Variants in ASIC2 observed in about 807,000 individuals in gnomAD.
ASIC2 encodes the protein acid sensing ion channel subunit 2.
A neutral mutation model predicts 57.3 loss-of-function variants in ASIC2; 25 were observed. The ratio of observed to expected loss-of-function variants is 0.44; its 90% confidence interval spans 0.32 to 0.61. The LOEUF (loss-of-function observed/expected upper bound fraction) is 0.61, where lower values mean the gene tolerates loss of function less well. ASIC2 is among the 20% of genes least tolerant of loss of function. The probability of loss-of-function intolerance (pLI) is 0.06; values close to 1 mark genes in which losing one functional copy is unlikely to be tolerated. For missense variants in ASIC2, 641 were observed against 738.1 expected, an observed-to-expected ratio of 0.87 and a Z score of 1.52; for synonymous variants, 319 against 307.5, an observed-to-expected ratio of 1.04 and a Z score of -0.39.
At chr17:33,015,579 A>G (rs1197555039) in intron 9 of ASIC2, among the ~76,000 whole-genome samples, 2 of 152,176 alleles carry the variant, frequency 1.3e-5, no homozygotes, top group African/African-American at 4.8e-5. Flanking sequence ...TCCCTTTCGA[A>G]TGGGATGGAG....
At chr17:33,935,745 A>G (rs1014882528) in intron 1 of ASIC2, 1 of 152,236 alleles carries the variant, frequency 6.6e-6, no homozygotes, top group Non-Finnish European at 1.5e-5. Context: ...AGCCATGTCC[A>G]TCTGATCTCC....
chr17:33,031,547 G>T (rs537617747), intron 3 of ASIC2, among the ~76,000 whole-genome samples: 2 of 152,094 alleles, frequency 1.3e-5, no homozygotes, highest in Non-Finnish European at 2.9e-5. Flanking sequence ...AATGTTCCAC[G>T]TGCACCTGAA....
intron 1 of ASIC2, among the ~76,000 whole-genome samples, chr17:33,210,753 C>T (rs181761338): frequency 4.6e-5 from 7 of 152,320 alleles, no homozygotes; most frequent in South Asian, 2.1e-4. Flanking sequence ...GCACACCCAT[C>T]GTGTGCAGGA....
rs6505364 is a variant in ASIC2 at position 33,683,459 on chromosome 17, C to T, written c.555+472519G>A. Reference sequence around the variant, plus strand: ...CAAACATGGCTCACTGCAGCCTTGACCTCCCTGGCTCAAGTGATCCTCCCA... The same window carrying T: ...CAAACATGGCTCACTGCAGCCTTGATCTCCCTGGCTCAAGTGATCCTCCCA... On this transcript the variant is annotated intron_variant, in intron 1 of 9. Coordinates refer to the ASIC2 transcript ENST00000359872. Among the ~76,000 whole-genome samples the T allele has an allele frequency of 8.8e-3, 1,341 of 152,318 alleles. 18 individuals are homozygous for T. The highest frequency in any genetic ancestry group is 0.03 in the African/African-American group (1,260 of 41,574).
chr17:33,336,527 C>G (rs945070188), intron 1 of ASIC2, among the ~76,000 whole-genome samples: 2 of 152,156 alleles, frequency 1.3e-5, no homozygotes, highest in Admixed American at 6.5e-5. Flanking sequence ...ACATGAGCAC[C>G]TACTGTATGC....
rs12602969 is a variant in ASIC2 at position 33,607,861 on chromosome 17, A to C, written c.556-495794T>G. Among the ~76,000 whole-genome samples, 5 of 152,168 alleles carry C rather than the reference A, an allele frequency of 3.3e-5. No homozygotes were observed. In the East Asian group the frequency reaches 9.6e-4, roughly 29 times the overall value. ...CAATCAGGAGTGTCCCTGGGACTCA[A>C]ATGAAGACCCTAATAGGAACTTCTG... is the stretch of plus-strand genomic sequence containing the variant. On this transcript the variant is annotated intron_variant, in intron 1 of 9. Coordinates refer to the ASIC2 transcript ENST00000359872.
chr17:33,178,720 C>T (rs1487174717), intron 1 of ASIC2, among the ~76,000 whole-genome samples: 1 of 152,204 alleles, frequency 6.6e-6, no homozygotes, highest in African/African-American at 2.4e-5. Flanking sequence ...CCTAGAGGAT[C>T]AGTTTCCAAT....
intron 1 of ASIC2, among the ~76,000 whole-genome samples, chr17:33,700,029 T>C (rs1218975402): frequency 6.6e-6 from 1 of 152,186 alleles, no homozygotes. Context: ...AAGAAAGACC[T>C]AATATTTTGG....
At chr17:33,344,718 C>T (rs1472708670) in intron 1 of ASIC2, among the ~76,000 whole-genome samples, 1 of 152,102 alleles carries the variant, frequency 6.6e-6, no homozygotes, top group Non-Finnish European at 1.5e-5. Context: ...CTTAACCCTG[C>T]TCACACATTT....
At chr17:33,894,696 A>G (rs945241692) in intron 1 of ASIC2, among the ~76,000 whole-genome samples, 1 of 152,274 alleles carries the variant, frequency 6.6e-6, no homozygotes. Flanking sequence ...GGTGTTTTGC[A>G]AGTGAACGTG....
chr17:33,602,168 TGGGA>T (rs1905128938), intron 1 of ASIC2, among the ~76,000 whole-genome samples: 1 of 152,214 alleles, frequency 6.6e-6, no homozygotes, highest in Non-Finnish European at 1.5e-5. Flanking sequence ...TTAGGACCTT[TGGGA>T]CTATTGGGAT....
At chr17:33,446,657 A>G (rs1047050521) in intron 1 of ASIC2, among the ~76,000 whole-genome samples, 7 of 152,128 alleles carry the variant, frequency 4.6e-5, no homozygotes, top group Non-Finnish European at 1.0e-4. Context: ...CCATCCTGTT[A>G]TTGACTATAG....
At chr17:33,063,892 C>T (rs929474572) in intron 3 of ASIC2, among the ~76,000 whole-genome samples, 14 of 152,282 alleles carry the variant, frequency 9.2e-5, no homozygotes, top group Non-Finnish European at 1.5e-4. Context: ...CTTCTCTTCT[C>T]GCTTCATTTC....
chr17:33,292,258 G>A lies in ASIC2; in HGVS notation c.-143C>T. The stretch of plus-strand genomic sequence containing the variant: ...GAAGCGTGCGCCCGAAAGGAGCTCC[G>A]GTGGCGCGGCATGCCCGCCCGGCGC... On this transcript the variant is annotated 5_prime_UTR_variant, in exon 1 of 10. Coordinates refer to ENST00000225823, the MANE Select transcript of ASIC2 (RefSeq NM_183377.2). 1 of 993,448 alleles carries A rather than the reference G, an allele frequency of 1.0e-6. No individual in the cohort carries two copies. Among genetic ancestry groups the A allele is most frequent in the Non-Finnish European group, 1.2e-6 (1 of 836,822 alleles). 61.5% of individuals were successfully genotyped at this position (993,448 alleles called of 1,614,324 possible). A position where few individuals can be genotyped will look rare whatever the true frequency, so the allele number is the denominator to read the frequency against.
chr17:34,138,017 T>A (rs1912171298), intron 1 of ASIC2, among the ~76,000 whole-genome samples: 1 of 152,108 alleles, frequency 6.6e-6, no homozygotes, highest in Admixed American at 6.5e-5. Flanking sequence ...TCAAAGCCAG[T>A]GAGCTGTTGA....
At chr17:33,747,248 T>C (rs1408685924) in intron 1 of ASIC2, among the ~76,000 whole-genome samples, 1 of 141,080 alleles carries the variant, frequency 7.1e-6, no homozygotes, top group Admixed American at 7.5e-5. Context: ...TTTTTTGAGA[T>C]GGTCTAGCTC....
At chr17:33,730,551 A>G (rs1189760943) in intron 1 of ASIC2, among the ~76,000 whole-genome samples, 5 of 152,234 alleles carry the variant, frequency 3.3e-5, no homozygotes, top group African/African-American at 4.8e-5. Flanking sequence ...TAACATATTG[A>G]CTACTTGAAT....
intron 1 of ASIC2, among the ~76,000 whole-genome samples, chr17:34,095,741 TTA>T (rs572766808): frequency 2.7e-3 from 392 of 142,660 alleles, no homozygotes; most frequent in Non-Finnish European, 3.8e-3. Flanking sequence ...ATATATAATT[TTA>T]TATATATATA....
At chr17:33,152,410 C>T in intron 1 of ASIC2, among the ~76,000 whole-genome samples, 1 of 152,142 alleles carries the variant, frequency 6.6e-6, no homozygotes, top group Admixed American at 6.5e-5. Context: ...GATGAGGCAC[C>T]AGGAAAAGCT....
Sources: gnomAD v4.1 joint callset for allele counts (sites outside exome capture counted in the v4.1 genomes callset) on GRCh38, gnomAD v4.1.1 for gene constraint, MANE v1.5 for transcripts, NCBI Gene and HGNC (gene_info 2026-07-23, HGNC 2026-07-21) for gene names.